Variants in ERBB4 observed in about 807,000 individuals in gnomAD.
ERBB4 encodes the protein receptor tyrosine-protein kinase erbB-4.
ERBB4 carries 42 observed loss-of-function variants against 158.0 expected under a neutral mutation model. The observed-to-expected ratio is 0.27, with a 90% confidence interval of 0.21 to 0.34. The LOEUF (loss-of-function observed/expected upper bound fraction) is 0.34, where lower values mean the gene tolerates loss of function less well. Ranked by LOEUF, ERBB4 falls within the 10% of genes least tolerant of loss-of-function variation. The pLI is 1.00. For synonymous variants in ERBB4, 583 were observed against 558.7 expected, an observed-to-expected ratio of 1.04 and a Z score of -0.61; for missense variants, 1,333 against 1,624.1, an observed-to-expected ratio of 0.82 and a Z score of 3.08.
chr2:211,831,188 A>G (rs1026881142), intron 3 of ERBB4, among the ~76,000 whole-genome samples: 1 of 152,184 alleles, frequency 6.6e-6, no homozygotes, highest in African/African-American at 2.4e-5. Flanking sequence ...CTTGTAAGAC[A>G]GTTCCAACTA....
chr2:212,000,947 G>A (rs184129827), intron 2 of ERBB4, among the ~76,000 whole-genome samples: 1 of 151,824 alleles, frequency 6.6e-6, no homozygotes, highest in Non-Finnish European at 1.5e-5. Flanking sequence ...TTAAGAAAGA[G>A]AGAACATTTT....
chr2:212,279,199 AT>A (rs2085660609), intron 1 of ERBB4, among the ~76,000 whole-genome samples: 1 of 151,530 alleles, frequency 6.6e-6, no homozygotes, highest in Non-Finnish European at 1.5e-5. Flanking sequence ...TTTGAACTGA[AT>A]TTCTCTTGCT....
chr2:212,197,924 A>G (rs768138805), intron 1 of ERBB4, among the ~76,000 whole-genome samples: 22 of 152,298 alleles, frequency 1.4e-4, no homozygotes, highest in Middle Eastern at 3.4e-3. Flanking sequence ...AAGCATTTTA[A>G]TTTTTAATTT....
intron 1 of ERBB4, among the ~76,000 whole-genome samples, chr2:212,240,662 A>AAAAAAAAAACAAAAAC (rs1559823282): frequency 2.0e-5 from 3 of 147,358 alleles, no homozygotes; most frequent in African/African-American, 7.6e-5. Flanking sequence ...AAAAAAAAAA[A>AAAAAAAAAACAAAAAC]AAAAACAGAA....
chr2:212,271,291 T>C (rs1468443697), intron 1 of ERBB4, among the ~76,000 whole-genome samples: 1 of 151,786 alleles, frequency 6.6e-6, no homozygotes, highest in Non-Finnish European at 1.5e-5. Context: ...AATAAGGCTC[T>C]TTTTTATTAC....
chr2:212,011,447 A>C (rs2076383901), intron 2 of ERBB4, among the ~76,000 whole-genome samples: 1 of 152,192 alleles, frequency 6.6e-6, no homozygotes, highest in African/African-American at 2.4e-5. Flanking sequence ...AGCTAGACTC[A>C]ATGTTTTTGG....
intron 12 of ERBB4, among the ~76,000 whole-genome samples, chr2:211,691,270 T>TATC (rs1225371968): frequency 3.3e-5 from 5 of 152,298 alleles, no homozygotes; most frequent in African/African-American, 4.8e-5. Flanking sequence ...TGAACAGTAA[T>TATC]ATCTTCTTTC....
chr2:211,850,647 C>T (rs1168367777), intron 3 of ERBB4, among the ~76,000 whole-genome samples: 1 of 151,686 alleles, frequency 6.6e-6, no homozygotes, highest in Non-Finnish European at 1.5e-5. Context: ...GGGGAGCTGT[C>T]ATGTATGATT....
At position 211,531,710 on chromosome 2, in the gene ERBB4, G is replaced by A. The variant is rs374598714; in HGVS notation, c.2487+30193C>T. ...AAGGGACCTCTCATACGCTGTTGGT[G>A]GGAATGTAAATTAGTACAACCACTA... On this transcript the variant is annotated intron_variant, in intron 20 of 27. Transcript: ENST00000342788. Among the ~76,000 whole-genome samples, 186 of 152,176 alleles carry A rather than the reference G, an allele frequency of 1.2e-3. 1 individual carries two copies. The highest frequency in any genetic ancestry group is 4.1e-3 in the African/African-American group (171 of 41,536).
At chr2:212,503,237 GTAT>G (rs1274173639) in intron 1 of ERBB4, among the ~76,000 whole-genome samples, 1 of 152,140 alleles carries the variant, frequency 6.6e-6, no homozygotes, top group Admixed American at 6.5e-5. Context: ...CTATCAGCTA[GTAT>G]TATTCTTAAC....
intron 1 of ERBB4, among the ~76,000 whole-genome samples, chr2:212,192,154 T>TGTTATA (rs2082292262): frequency 6.5e-5 from 8 of 123,068 alleles, no homozygotes; most frequent in South Asian, 2.7e-4. Context: ...GTTATATATA[T>TGTTATA]TATATTATAT....
At chr2:211,908,371 C>T (rs116446379) in intron 3 of ERBB4, among the ~76,000 whole-genome samples, 2,153 of 151,686 alleles carry the variant, frequency 0.014, 55 homozygotes, top group African/African-American at 0.05. Flanking sequence ...GACAAAGGAC[C>T]CTAGGATGAA....
chr2:212,293,391 T>C (rs903358832), intron 1 of ERBB4, among the ~76,000 whole-genome samples: 4 of 152,072 alleles, frequency 2.6e-5, no homozygotes, highest in Non-Finnish European at 5.9e-5. Flanking sequence ...CATAATTTAA[T>C]ATAGCTTTCA....
intron 1 of ERBB4, among the ~76,000 whole-genome samples, chr2:212,359,556 C>A (rs2089603368): frequency 6.6e-6 from 1 of 151,628 alleles, no homozygotes; most frequent in African/African-American, 2.4e-5. Context: ...CTTAATTATC[C>A]CCATCAGTCT....
chr2:212,527,317 C>A (rs1228001598), intron 1 of ERBB4, among the ~76,000 whole-genome samples: 1 of 152,100 alleles, frequency 6.6e-6, no homozygotes, highest in Non-Finnish European at 1.5e-5. Flanking sequence ...TGTGATTTTA[C>A]ACTACGTAAT....
chr2:212,124,748 T>C lies in ERBB4; in HGVS notation c.234+4A>G. 1 of 1,614,114 alleles carries C rather than the reference T, an allele frequency of 6.2e-7. No individual in the cohort carries two copies. Among genetic ancestry groups the C allele is most frequent in the Non-Finnish European group, 8.5e-7 (1 of 1,179,986 alleles). On this transcript the variant is annotated splice_donor_region_variant and intron_variant, in intron 2 of 27. Coordinates refer to ENST00000342788, the MANE Select transcript of ERBB4 (RefSeq NM_005235.3). The stretch of plus-strand genomic sequence containing the variant: ...AAAGAAGAGAAAGAAAGCCACAGCT[T>C]TACCCGCAGGAAGGAGAGGTCCCGG...
chr2:211,994,098 C>CTATATCTATATAGA (rs2082140663), intron 2 of ERBB4, among the ~76,000 whole-genome samples: 3 of 151,992 alleles, frequency 2.0e-5, no homozygotes, highest in Non-Finnish European at 4.4e-5. Context: ...TCAAATCTAT[C>CTATATCTATATAGA]TATATCTATA....
chr2:212,476,806 T>G (rs1396831538), intron 1 of ERBB4, among the ~76,000 whole-genome samples: 3 of 152,152 alleles, frequency 2.0e-5, no homozygotes, highest in Non-Finnish European at 4.4e-5. Flanking sequence ...AACATTATTT[T>G]TAAGTATATA....
In ERBB4 at chr2:211,513,366, AAAAAAAAAAAC is replaced by A. The variant is rs1255728783; in HGVS notation, c.2487+48526_2487+48536del. Among the ~76,000 whole-genome samples the A allele has an allele frequency of 1.9e-3, 250 of 133,836 alleles. 3 individuals are homozygous for A. Among genetic ancestry groups the A allele is most frequent in the Admixed American group, 3.1e-3 (44 of 14,376 alleles). 87.8% of individuals were successfully genotyped at this position (133,836 alleles called of 152,430 possible). On this transcript the variant is annotated intron_variant, in intron 20 of 27. Transcript: ENST00000342788. ...GAGCGAGACTCCGTCTCAAAAAAAAAAAAAAAAAAACAAAAAAAAAACACTGATCCTAGAAG... is the reference window on the plus strand; with the variant it reads ...GAGCGAGACTCCGTCTCAAAAAAAAAAAAAAAAAAACACTGATCCTAGAAG...
Sources: allele counts gnomAD v4.1 joint callset (sites outside exome capture counted in the v4.1 genomes callset), GRCh38; gene constraint gnomAD v4.1.1; transcripts MANE v1.5; gene names NCBI Gene and HGNC (gene_info 2026-07-23, HGNC 2026-07-21).